THAP5: variants seen among roughly 807,000 people sequenced by gnomAD.
THAP5 encodes the protein THAP domain containing 5.
THAP5 carries 26 observed loss-of-function variants against 34.0 expected under a neutral mutation model. The observed-to-expected ratio is 0.77, with a 90% CI of 0.56 to 1.06. The LOEUF (loss-of-function observed/expected upper bound fraction) is 1.06, where lower values mean the gene tolerates loss of function less well. Among genes scored for constraint, THAP5 ranks in the 50% least tolerant of loss-of-function variants. The pLI, the probability that THAP5 is intolerant of heterozygous loss-of-function variation, is 0.00. For missense variants in THAP5, 394 were observed against 452.8 expected, an observed-to-expected ratio of 0.87 and a Z score of 1.18; for synonymous variants, 125 against 153.0, an observed-to-expected ratio of 0.82 and a Z score of 1.35.
At chr7:108,567,879 C>T (rs763761433) in intron 1 of THAP5, among the ~76,000 whole-genome samples, 1 of 152,184 alleles carries the variant, frequency 6.6e-6, no homozygotes, top group Non-Finnish European at 1.5e-5. Context: ...AAAATCTTTA[C>T]AATTCACTTG....
At chr7:108,558,639 G>A (rs548675195), downstream of THAP5, among the ~76,000 whole-genome samples, 5 of 151,542 alleles carry the variant, frequency 3.3e-5, no homozygotes, top group African/African-American at 7.3e-5. Flanking sequence ...CTCGTGATCC[G>A]CCAGCCTCGG....
rs769113973 is a variant in THAP5 at position 108,563,833 on chromosome 7, A to G, written c.*358T>C. On this transcript the variant is annotated 3_prime_UTR_variant, in exon 3 of 3. Transcript: ENST00000415914. ...ACAAATTAGGGACTGAGGCACAATCATAAGTAACTTGCCCAAGTCATATGC... is the reference window on the plus strand; with the variant it reads ...ACAAATTAGGGACTGAGGCACAATCGTAAGTAACTTGCCCAAGTCATATGC... The G allele has an allele frequency of 1.2e-5, 2 of 165,118 alleles. No homozygotes were observed. The highest frequency in any genetic ancestry group is 4.8e-5 in the African/African-American group (2 of 41,904). The allele number at this position is 165,118 out of a possible 1,614,324, so 10.2% of individuals were successfully genotyped here.
the THAP5 span, among the ~76,000 whole-genome samples, chr7:108,543,566 A>G: frequency 1.3e-5 from 2 of 152,256 alleles, no homozygotes; most frequent in African/African-American, 4.8e-5. Context: ...GATGATAAGC[A>G]GTCTATCACC....
downstream of THAP5, among the ~76,000 whole-genome samples, chr7:108,559,460 C>T (rs951496466): frequency 2.0e-5 from 3 of 152,190 alleles, no homozygotes; most frequent in African/African-American, 7.2e-5. Flanking sequence ...TATTCGTATA[C>T]ATGCCACAAA....
chr7:108,564,800 A>G lies in THAP5; in HGVS notation c.579T>C (p.Phe193=). ...SVNQDTGRGG[F]HTCFENLNST... ...AATTTAGATTCTCAAAACATGTGTG[A>G]AAACCACCTCTACCTGTATCTTGGT... The change falls in exon 3 of 3, where the codon TTT becomes TTC. Residue 193 remains phenylalanine (F), a synonymous_variant. Transcript: ENST00000415914. 6.2e-7 allele frequency: 1 copy of G among 1,613,560 alleles called. No homozygotes were observed. Among genetic ancestry groups the G allele is most frequent in the Non-Finnish European group, 8.5e-7 (1 of 1,179,612 alleles).
In THAP5 at chr7:108,564,153, A is replaced by G. The variant is rs552067216; in HGVS notation, c.*38T>C. Reference sequence around the variant, plus strand: ...CATGTAGTTTGGTTTGGCTGGAAAAAGCTTATTTAACAGCCATAGTTTTAA... The same window carrying G: ...CATGTAGTTTGGTTTGGCTGGAAAAGGCTTATTTAACAGCCATAGTTTTAA... On this transcript the variant is annotated 3_prime_UTR_variant, in exon 3 of 3. Transcript: ENST00000415914. 2 of 1,485,842 alleles carry G rather than the reference A, an allele frequency of 1.3e-6. No individual in the cohort carries two copies. Among genetic ancestry groups the G allele is most frequent in the African/African-American group, 2.8e-5 (2 of 71,016 alleles). 92.0% of individuals were successfully genotyped at this position (1,485,842 alleles called of 1,614,324 possible). A position where few individuals can be genotyped will look rare whatever the true frequency, so the allele number is the denominator to read the frequency against.
downstream of THAP5, among the ~76,000 whole-genome samples, chr7:108,557,702 C>T (rs1864396664): frequency 1.3e-5 from 2 of 152,168 alleles, 1 homozygote; most frequent in South Asian, 4.1e-4. Flanking sequence ...CTAAACTTTC[C>T]CTCATTTTCC....
intron 1 of THAP5, among the ~76,000 whole-genome samples, chr7:108,567,404 AC>A (rs1224823809): frequency 4.6e-5 from 7 of 152,150 alleles, no homozygotes. Flanking sequence ...AATGCTTTTT[AC>A]TGTAAATTCA....
chr7:108,550,583 A>G (rs1309183811), downstream of THAP5, among the ~76,000 whole-genome samples: 1 of 152,218 alleles, frequency 6.6e-6, no homozygotes, highest in African/African-American at 2.4e-5. Flanking sequence ...TGTGGCTTAA[A>G]CAACAGAAAT....
chr7:108,549,542 G>A, the THAP5 span, among the ~76,000 whole-genome samples: 1 of 151,890 alleles, frequency 6.6e-6, no homozygotes, highest in Non-Finnish European at 1.5e-5. Flanking sequence ...CCACAAACAT[G>A]AGCATACACA....
downstream of THAP5, among the ~76,000 whole-genome samples, chr7:108,549,732 A>G (rs78564124): frequency 0.03 from 4,498 of 152,258 alleles, 208 homozygotes; most frequent in African/African-American, 0.099. Flanking sequence ...TCTGTGCTTT[A>G]TCATTAATTT....
chr7:108,569,003 C>T, intron 1 of THAP5: 1 of 623,684 alleles, frequency 1.6e-6, no homozygotes, highest in South Asian at 5.9e-5. Context: ...ATAATTCTGG[C>T]TCTGACACTA....
chr7:108,561,267 C>CT (rs1864427395), downstream of THAP5, among the ~76,000 whole-genome samples: 2 of 93,556 alleles, frequency 2.1e-5, no homozygotes, highest in East Asian at 3.4e-4. Context: ...AACAACATAC[C>CT]ATTTTTTTTT....
intron 1 of THAP5, among the ~76,000 whole-genome samples, chr7:108,567,734 G>C (rs955218412): frequency 1.3e-5 from 2 of 152,142 alleles, no homozygotes; most frequent in Non-Finnish European, 2.9e-5. Context: ...GTGTTAACAT[G>C]AGCAAATTCA....
chr7:108,558,780 T>C (rs148747937), downstream of THAP5, among the ~76,000 whole-genome samples: 196 of 152,328 alleles, frequency 1.3e-3, no homozygotes, highest in Non-Finnish European at 2.3e-3. Context: ...TGTGTGTTCA[T>C]TGATATAGCA....
At chr7:108,548,378 TA>T in the THAP5 span, among the ~76,000 whole-genome samples, 1 of 151,928 alleles carries the variant, frequency 6.6e-6, no homozygotes, top group African/African-American at 2.4e-5. Context: ...ACTTTGGGGA[TA>T]AAAAAACAAG....
Position 108,556,958 on chromosome 7 carries a change from C to T in THAP5, n.109-2099G>A, listed in dbSNP as rs547967587. Among the ~76,000 whole-genome samples, 18 of 152,384 alleles carry T rather than the reference C, an allele frequency of 1.2e-4. No homozygotes were observed. In the South Asian group the frequency reaches 1.9e-3, roughly 16 times the overall value. On this transcript the variant is annotated intron_variant and non_coding_transcript_variant, in intron 1 of 1. Transcript: ENST00000468884. ...CTAGGTGGAGGCTTCCAAACCTCAA[C>T]TCTTGCCTTCTGCACACCCACAGTC...
downstream of THAP5, chr7:108,554,425 G>A (rs936621010): frequency 1.3e-5 from 2 of 152,180 alleles, no homozygotes; most frequent in African/African-American, 4.8e-5. Flanking sequence ...CCAAGATAAA[G>A]GGTGGAAGCC....
chr7:108,543,262 C>T, the THAP5 span, among the ~76,000 whole-genome samples: 2 of 152,158 alleles, frequency 1.3e-5, no homozygotes, highest in African/African-American at 2.4e-5. Context: ...TATCACAGGG[C>T]TTCCAGAGCA....
Sources: gnomAD v4.1 joint callset for allele counts (sites outside exome capture counted in the v4.1 genomes callset) on GRCh38, gnomAD v4.1.1 for gene constraint, MANE v1.5 for transcripts, NCBI Gene and HGNC (gene_info 2026-07-23, HGNC 2026-07-21) for gene names.